The following LTBP1 variants were observed in gnomAD, a reference collection of about 807,000 sequenced individuals.
LTBP1 encodes latent-transforming growth factor beta-binding protein 1.
LTBP1 carries 129 observed loss-of-function variants against 207.6 expected under a neutral mutation model. That is an observed-to-expected ratio of 0.62 (90% CI 0.54 to 0.72). The LOEUF (loss-of-function observed/expected upper bound fraction) is 0.72. Ranked by LOEUF, LTBP1 falls within the 30% of genes least tolerant of loss-of-function variation. LTBP1 has a pLI of 0.00. For synonymous variants in LTBP1, 963 were observed against 833.7 expected (o/e 1.16, Z -2.67); for missense variants, 2,281 against 2,217.2 (o/e 1.03, Z -0.58).
At position 32,947,350 on chromosome 2, in the gene LTBP1, G is replaced by T; in HGVS notation, c.26G>T (p.Gly9Val). 7.9e-7 allele frequency: 1 copy of T among 1,265,790 alleles called. No homozygotes were observed. Among genetic ancestry groups the T allele is most frequent in the South Asian group, 2.7e-5 (1 of 37,700 alleles). The allele number at this position is 1,265,790 out of a possible 1,614,324, so 78.4% of individuals were successfully genotyped here. A position where few individuals can be genotyped will look rare whatever the true frequency, so the allele number is the denominator to read the frequency against. MAGAWLRW[G>V]LLLWAGLLAS... ...ATGGCGGGGGCCTGGCTCAGGTGGG[G>T]GCTCCTGCTCTGGGCAGGGCTCCTC... The change falls in exon 1 of 34, where the codon GGG (glycine) becomes GTG (valine). Residue 9 changes from glycine (G) to valine (V), a missense_variant. Transcript: ENST00000404816.
intron 7 of LTBP1, among the ~76,000 whole-genome samples, chr2:33,190,145 C>G (rs958320091): frequency 6.6e-6 from 1 of 152,178 alleles, no homozygotes; most frequent in Non-Finnish European, 1.5e-5. Context: ...TTCTTTAAAA[C>G]TCATCATTGA....
intron 26 of LTBP1, among the ~76,000 whole-genome samples, chr2:33,357,498 C>T (rs1191741597): frequency 6.6e-6 from 1 of 152,112 alleles, no homozygotes; most frequent in Non-Finnish European, 1.5e-5. Context: ...CACTTGGAAC[C>T]GACATTAGTT....
chr2:33,241,525 A>G (rs1052199161), intron 9 of LTBP1, among the ~76,000 whole-genome samples: 6 of 152,220 alleles, frequency 3.9e-5, no homozygotes, highest in African/African-American at 1.4e-4. Flanking sequence ...CCTGGCAGCC[A>G]GCCGCAAGGC....
rs180881400 is a variant in LTBP1, at chr2:33,288,794, G to A, written c.3113-4366G>A. Among the ~76,000 whole-genome samples, 116 of 151,054 alleles carry A rather than the reference G, an allele frequency of 7.7e-4. No individual in the cohort carries two copies. The Middle Eastern group carries it at 0.017, about 22-fold the overall frequency. ...CGCTTGAACCCAGGAAGCAGAAGTT[G>A]CAGTGAGCCGAGATCGCACCACTGC... On this transcript the variant is annotated intron_variant, in intron 19 of 33. Coordinates refer to ENST00000404816, the MANE Select transcript of LTBP1 (RefSeq NM_206943.4).
chr2:33,151,769 T>G (rs2083545219), intron 5 of LTBP1, among the ~76,000 whole-genome samples: 3 of 152,066 alleles, frequency 2.0e-5, no homozygotes. Flanking sequence ...CAGTCTCATC[T>G]ATGTGGCAAA....
In LTBP1 at chr2:33,182,649, G is replaced by T. The variant is rs544016214; in HGVS notation, c.1202-4207G>T. Among the ~76,000 whole-genome samples, 250 of 121,656 alleles carry T rather than the reference G, an allele frequency of 2.1e-3. 5 individuals carry two copies. The highest frequency in any genetic ancestry group is 6.2e-3 in the African/African-American group (206 of 33,156). The allele number at this position is 121,656 out of a possible 152,430, so 79.8% of individuals were successfully genotyped here. A position where few individuals can be genotyped will look rare whatever the true frequency, so the allele number is the denominator to read the frequency against. On this transcript the variant is annotated intron_variant, in intron 5 of 33. Transcript: ENST00000404816. ...TGCACTCCAGCCTGGGTGACAGAGT[G>T]AGACCCTGTCTCAAAAAAAAAAAGA...
intron 24 of LTBP1, among the ~76,000 whole-genome samples, chr2:33,332,275 G>A (rs938627649): frequency 6.8e-6 from 1 of 148,100 alleles, no homozygotes; most frequent in Admixed American, 6.8e-5. Flanking sequence ...GTGGGTACCT[G>A]TAGTTACAGC....
intron 4 of LTBP1, among the ~76,000 whole-genome samples, chr2:33,125,161 C>A (rs923113824): frequency 6.6e-6 from 1 of 152,210 alleles, no homozygotes; most frequent in Non-Finnish European, 1.5e-5. Flanking sequence ...CATAGTAATG[C>A]TCATTACAAG....
At chr2:33,187,392 G>A (rs937118854) in intron 6 of LTBP1, among the ~76,000 whole-genome samples, 6 of 152,156 alleles carry the variant, frequency 3.9e-5, no homozygotes, top group African/African-American at 1.4e-4. Flanking sequence ...GAAATAGAAA[G>A]ATGAGCAAGA....
In LTBP1 at chr2:33,200,590, CA is replaced by C. The variant is rs542873101; in HGVS notation, c.1701+11743del. Among the ~76,000 whole-genome samples the C allele has an allele frequency of 9.4e-3, 1,432 of 151,926 alleles. 24 individuals carry two copies. The highest frequency in any genetic ancestry group is 0.033 in the African/African-American group (1,362 of 41,256). ...GGCAAGGACTTCCTGTCTAAAACAC[CA>C]AAAGCAATGGCAACAAAAGCCAAAA... On this transcript the variant is annotated intron_variant, in intron 7 of 33. Transcript: ENST00000404816.
chr2:33,361,533 A>G lies in LTBP1; in HGVS notation c.4270+18A>G. ...CTATAAAGGTCAGAATCAAGTGGAA[A>G]CAAATTTTCAGCACATTGTGTACAT... On this transcript the variant is annotated intron_variant, in intron 28 of 33. Transcript: ENST00000404816. 6.4e-7 allele frequency: 1 copy of G among 1,573,294 alleles called. No individual in the cohort carries two copies. Among genetic ancestry groups the G allele is most frequent in the Non-Finnish European group, 8.7e-7 (1 of 1,144,448 alleles).
chr2:32,996,820 G>A (rs1462076799), intron 2 of LTBP1, among the ~76,000 whole-genome samples: 1 of 152,090 alleles, frequency 6.6e-6, no homozygotes, highest in East Asian at 1.9e-4. Flanking sequence ...GGCCAGTCTC[G>A]CGCAGTTCCT....
chr2:33,130,829 C>T (rs775558586), intron 4 of LTBP1, among the ~76,000 whole-genome samples: 4 of 152,132 alleles, frequency 2.6e-5, no homozygotes, highest in Non-Finnish European at 5.9e-5. Context: ...CCTCCAAAAC[C>T]CAAAGTTTTA....
chr2:33,396,902 G>T (rs1489656417), intron 32 of LTBP1, among the ~76,000 whole-genome samples: 2 of 152,108 alleles, frequency 1.3e-5, no homozygotes, highest in African/African-American at 4.8e-5. Flanking sequence ...TTTTAACATA[G>T]AATATCAGAA....
At chr2:33,220,011 A>G (rs549547403) in intron 8 of LTBP1, among the ~76,000 whole-genome samples, 1 of 152,324 alleles carries the variant, frequency 6.6e-6, no homozygotes, top group South Asian at 2.1e-4. Flanking sequence ...GTGAAAGTGC[A>G]AAGTTGCTGT....
intron 1 of LTBP1, 32 bp downstream of exon 1, chr2:32,947,850 C>CGCCT (rs762351797): frequency 7.8e-7 from 1 of 1,276,368 alleles, no homozygotes; most frequent in Non-Finnish European, 1.0e-6. Context: ...CCCGCCCGCC[C>CGCCT]GCCTCGCGCG....
At chr2:33,290,660 G>A (rs1285082387) in intron 19 of LTBP1, among the ~76,000 whole-genome samples, 1 of 152,242 alleles carries the variant, frequency 6.6e-6, no homozygotes, top group Non-Finnish European at 1.5e-5. Flanking sequence ...AGATTGGTAT[G>A]CCTGGGCAAT....
chr2:33,377,582 A>G (rs1253254357), intron 31 of LTBP1, among the ~76,000 whole-genome samples: 1 of 152,188 alleles, frequency 6.6e-6, no homozygotes, highest in Admixed American at 6.5e-5. Flanking sequence ...TCATTATGAT[A>G]ATAATCTTAC....
chr2:33,100,428 G>C (rs993567258), intron 3 of LTBP1, among the ~76,000 whole-genome samples: 10 of 151,944 alleles, frequency 6.6e-5, no homozygotes, highest in Non-Finnish European at 1.2e-4. Context: ...GGGGGCAGGG[G>C]GGGCAAGAAA....
Sources: gnomAD v4.1 joint callset for allele counts (sites outside exome capture counted in the v4.1 genomes callset) on GRCh38, gnomAD v4.1.1 for gene constraint, MANE v1.5 for transcripts, NCBI Gene and HGNC (gene_info 2026-07-23, HGNC 2026-07-21) for gene names.